ADAMTSL3: variants seen among roughly 807,000 people sequenced by gnomAD.
ADAMTSL3 encodes the protein ADAMTS like 3.
In ADAMTSL3, 128 loss-of-function variants were observed where a neutral mutation model predicts 201.7. That is an observed-to-expected ratio of 0.63 (90% CI 0.55 to 0.73). ADAMTSL3 has a LOEUF of 0.73. ADAMTSL3 is among the 30% of genes least tolerant of loss of function. The probability of loss-of-function intolerance (pLI) is 0.00; values close to 1 mark genes in which losing one functional copy is unlikely to be tolerated. For missense variants in ADAMTSL3, 1,990 were observed against 2,119.6 expected (o/e 0.94, Z 1.20); for synonymous variants, 738 against 748.4 (o/e 0.99, Z 0.23).
intron 2 of ADAMTSL3, among the ~76,000 whole-genome samples, chr15:83,686,092 C>T (rs1471468029): frequency 1.3e-5 from 2 of 152,198 alleles, no homozygotes; most frequent in Non-Finnish European, 2.9e-5. Flanking sequence ...CTTTTACAAC[C>T]TGTCACAGAC....
At chr15:83,879,892 T>C (rs898872505) in intron 9 of ADAMTSL3, among the ~76,000 whole-genome samples, 17 of 152,230 alleles carry the variant, frequency 1.1e-4, no homozygotes, top group Non-Finnish European at 2.2e-4. Context: ...TTTAGAATCA[T>C]TGCATCTTCC....
chr15:83,810,570 A>C (rs1215807458), intron 5 of ADAMTSL3, among the ~76,000 whole-genome samples: 1 of 152,206 alleles, frequency 6.6e-6, no homozygotes, highest in Admixed American at 6.5e-5. Context: ...CACAGGTCCT[A>C]CTGGGCTAAA....
chr15:83,827,097 C>T (rs976840953), intron 6 of ADAMTSL3, among the ~76,000 whole-genome samples: 1 of 152,198 alleles, frequency 6.6e-6, no homozygotes, highest in African/African-American at 2.4e-5. Flanking sequence ...CTGACTTCCA[C>T]AATGGTTGAA....
chr15:83,997,962 TGG>T (rs2067718140), intron 23 of ADAMTSL3, among the ~76,000 whole-genome samples: 1 of 151,664 alleles, frequency 6.6e-6, no homozygotes, highest in South Asian at 2.1e-4. Flanking sequence ...CTAAGATACC[TGG>T]CCAGTCAGGA....
intron 4 of ADAMTSL3, among the ~76,000 whole-genome samples, chr15:83,785,785 A>G (rs1321788804): frequency 6.7e-6 from 1 of 149,526 alleles, no homozygotes; most frequent in African/African-American, 2.4e-5. Flanking sequence ...CTCTTTAATT[A>G]CTTTCCTCTT....
At position 83,819,894 on chromosome 15, in the gene ADAMTSL3, A is replaced by G; in HGVS notation, c.447A>G (p.Glu149=). ...NDVQYQGHYY[E]WLPRYNDPAA... is the part of the protein sequence containing the mutation. ...TCCAGTATCAGGGGCATTACTATGAATGGCTTCCACGATATAATGATCCTG... is the reference window on the plus strand; with the variant it reads ...TCCAGTATCAGGGGCATTACTATGAGTGGCTTCCACGATATAATGATCCTG... The change falls in exon 6 of 30, where the codon GAA becomes GAG. Residue 149 remains glutamate, a synonymous_variant. Transcript: ENST00000286744. 6.8e-6 allele frequency: 11 copies of G among 1,614,086 alleles called. No homozygotes were observed. The highest frequency in any genetic ancestry group is 9.3e-6 in the Non-Finnish European group (11 of 1,180,006).
intron 2 of ADAMTSL3, among the ~76,000 whole-genome samples, chr15:83,681,003 G>A (rs1032486592): frequency 1.1e-4 from 17 of 152,012 alleles, no homozygotes; most frequent in Admixed American, 5.9e-4. Flanking sequence ...ACAGATTCTC[G>A]TAGTTTTCAA....
chr15:83,910,174 T>G (rs937547846), intron 15 of ADAMTSL3, among the ~76,000 whole-genome samples: 1 of 152,216 alleles, frequency 6.6e-6, no homozygotes, highest in Admixed American at 6.5e-5. Context: ...CCTTTTACTC[T>G]GTTGTTTTAT....
At chr15:83,717,212 A>T (rs1444606475) in intron 3 of ADAMTSL3, among the ~76,000 whole-genome samples, 2 of 152,308 alleles carry the variant, frequency 1.3e-5, no homozygotes, top group Middle Eastern at 3.4e-3. Flanking sequence ...GAATCTCTGT[A>T]ATGTGGCATC....
intron 2 of ADAMTSL3, among the ~76,000 whole-genome samples, chr15:83,661,035 G>C (rs1487860843): frequency 2.1e-5 from 3 of 145,286 alleles, no homozygotes; most frequent in Non-Finnish European, 4.5e-5. Context: ...TTATTAAATA[G>C]GGAATCCTTT....
intron 19 of ADAMTSL3, among the ~76,000 whole-genome samples, chr15:83,956,679 G>GCACACACACA (rs34711242): frequency 6.7e-6 from 1 of 148,772 alleles, no homozygotes; most frequent in South Asian, 2.1e-4. Context: ...CACCGCACAG[G>GCACACACACA]CACACACACA....
intron 23 of ADAMTSL3, 75 bp downstream of exon 23, chr15:83,991,289 A>G: frequency 6.3e-7 from 1 of 1,594,978 alleles, no homozygotes; most frequent in South Asian, 1.1e-5. Context: ...GCCAGGAAAC[A>G]CCAGCTGGCA....
intron 7 of ADAMTSL3, among the ~76,000 whole-genome samples, 184 bp downstream of exon 7, chr15:83,838,399 A>T (rs541454686): frequency 6.6e-6 from 1 of 152,340 alleles, no homozygotes; most frequent in African/African-American, 2.4e-5. Flanking sequence ...TATATCTTTG[A>T]AGAGGACCCG....
intron 20 of ADAMTSL3, among the ~76,000 whole-genome samples, chr15:83,974,088 C>T (rs915608540): frequency 2.6e-5 from 4 of 152,210 alleles, no homozygotes; most frequent in African/African-American, 9.7e-5. Flanking sequence ...GCACAGTCCC[C>T]TTGTTCAAAT....
intron 3 of ADAMTSL3, among the ~76,000 whole-genome samples, chr15:83,753,194 A>G (rs993994595): frequency 1.3e-5 from 2 of 152,182 alleles, no homozygotes; most frequent in African/African-American, 4.8e-5. Flanking sequence ...TGCAGCAGTC[A>G]TCTACATGAG....
chr15:83,762,997 G>A (rs1231474340), intron 3 of ADAMTSL3, among the ~76,000 whole-genome samples: 4 of 151,482 alleles, frequency 2.6e-5, no homozygotes, highest in Admixed American at 6.6e-5. Flanking sequence ...AGCAATTCTC[G>A]TGCCTCAGCC....
chr15:84,014,650 A>G lies in ADAMTSL3; in HGVS notation c.4082A>G (p.Asn1361Ser), dbSNP rs753451576. Residue 1361 changes from asparagine (N) to serine (S), a missense_variant, in exon 24 of 30, where the codon AAT becomes AGT. Physicochemically the swap from Asn to Ser is conservative, Grantham distance 46. Transcript: ENST00000286744. ...TTGTTGCAGAATGTTTCCCTTGAAA[A>G]TGAAGGAACCTACGTCTGCATAGCC... Reference protein sequence around the residue: ...SLLLQNVSLENEGTYVCIATN... With the variant: ...SLLLQNVSLESEGTYVCIATN... The G allele has an allele frequency of 2.5e-6, 4 of 1,612,518 alleles. No individual in the cohort carries two copies. The highest frequency in any genetic ancestry group is 3.4e-6 in the Non-Finnish European group (4 of 1,179,604).
intron 15 of ADAMTSL3, among the ~76,000 whole-genome samples, chr15:83,903,902 T>C (rs117031571): frequency 0.47 from 27,486 of 58,802 alleles, 7,304 homozygotes; most frequent in African/African-American, 0.68. Context: ...TGGGTGACAG[T>C]GCCAGACTCC....
chr15:83,679,862 G>A (rs750216874), intron 2 of ADAMTSL3, among the ~76,000 whole-genome samples: 5 of 152,130 alleles, frequency 3.3e-5, no homozygotes, highest in Non-Finnish European at 7.3e-5. Flanking sequence ...GTCCAGCAGT[G>A]GTTAAGGGGA....
Sources: allele counts gnomAD v4.1 joint callset (sites outside exome capture counted in the v4.1 genomes callset), GRCh38; gene constraint gnomAD v4.1.1; transcripts MANE v1.5; gene names NCBI Gene and HGNC (gene_info 2026-07-23, HGNC 2026-07-21).